TOR1B: variants seen among roughly 807,000 people sequenced by gnomAD.
The protein encoded by TOR1B is torsin-1B.
A neutral mutation model predicts 29.2 loss-of-function variants in TOR1B; 14 were observed. The ratio of observed to expected loss-of-function variants is 0.48; its 90% confidence interval spans 0.32 to 0.75. The LOEUF (loss-of-function observed/expected upper bound fraction) is 0.75. TOR1B is among the 30% of genes least tolerant of loss of function. The probability of loss-of-function intolerance (pLI) is 0.04; values close to 1 mark genes in which losing one functional copy is unlikely to be tolerated. For missense variants in TOR1B, 400 were observed against 433.9 expected (o/e 0.92, Z 0.69); for synonymous variants, 166 against 179.8 (o/e 0.92, Z 0.62).
chr9:129,808,777 C>G (rs1398267132), intron 3 of TOR1B, 128 bp from the exon 4 acceptor site: 4 of 1,173,540 alleles, frequency 3.4e-6, no homozygotes, highest in Non-Finnish European at 4.9e-6. Context: ...GCCTTGAACT[C>G]CCGACCTCAG....
rs1183450344 is a variant in TOR1B at position 129,807,290 on chromosome 9, A to G, written c.568A>G (p.Ile190Val). Reference sequence around the variant, plus strand: ...ATTGCACCCCGGGATCATTGACGCAATCAAGCCGTTTCTAGACTACTACGA... The same window carrying G: ...ATTGCACCCCGGGATCATTGACGCAGTCAAGCCGTTTCTAGACTACTACGA... ...DKLHPGIIDA[I>V]KPFLDYYEQV... is the part of the protein sequence containing the mutation. Residue 190 changes from isoleucine to valine, a missense_variant, in exon 3 of 5, where the codon ATC becomes GTC. Coordinates refer to ENST00000259339, the MANE Select transcript of TOR1B (RefSeq NM_014506.3). 3.7e-6 allele frequency: 6 copies of G among 1,614,038 alleles called. No homozygotes were observed. Among genetic ancestry groups the G allele is most frequent in the Non-Finnish European group, 5.1e-6 (6 of 1,180,040 alleles).
Position 129,809,589 on chromosome 9 carries a change from T to C in TOR1B, c.*6T>C, listed in dbSNP as rs756575894. 2 of 1,614,028 alleles carry C rather than the reference T, an allele frequency of 1.2e-6. No homozygotes were observed. The highest frequency in any genetic ancestry group is 1.7e-6 in the Non-Finnish European group (2 of 1,180,016). On this transcript the variant is annotated 3_prime_UTR_variant, in exon 5 of 5. Transcript: ENST00000259339. ...CGCGGCTGGATTTCCACTGAGCTCC[T>C]ATCCAGATGGGGTAGGAGACAGCTG...
rs377511933 is a variant in TOR1B, at chr9:129,807,341, A to C, written c.619A>C (p.Lys207Gln). 6.2e-7 allele frequency: 1 copy of C among 1,613,986 alleles called. No homozygotes were observed. The highest frequency in any genetic ancestry group is 2.2e-5 in the East Asian group (1 of 44,890). Residue 207 changes from lysine to glutamine, a missense_variant, in exon 3 of 5, where the codon AAA becomes CAA. Physicochemically the swap from Lys to Gln is moderately conservative, Grantham distance 53. Coordinates refer to ENST00000259339, the MANE Select transcript of TOR1B (RefSeq NM_014506.3). ...GCAGGTTGACGGAGTGTCTTACCGC[A>C]AAGCCATCTTCATCTTTCTCAGGTC... ...YEQVDGVSYR[K>Q]AIFIFLSNAG...
At position 129,810,489 on chromosome 9, in the gene TOR1B, T is replaced by C. The variant is rs1340423341; in HGVS notation, c.*906T>C. On this transcript the variant is annotated 3_prime_UTR_variant, in exon 5 of 5. Transcript: ENST00000259339. ...GTCTCAGCTGGTATCAGCCCCAGCC[T>C]GCCTTGTGCCATATCTCAGCTTGGA... 2 of 1,104,216 alleles carry C rather than the reference T, an allele frequency of 1.8e-6. No homozygotes were observed. Among genetic ancestry groups the C allele is most frequent in the East Asian group, 6.1e-5 (1 of 16,320 alleles). The allele number at this position is 1,104,216 out of a possible 1,614,324, so 68.4% of individuals were successfully genotyped here. A position where few individuals can be genotyped will look rare whatever the true frequency, so the allele number is the denominator to read the frequency against.
rs12634 is a variant in TOR1B, at chr9:129,811,257, G to A, written c.*1674G>A. On this transcript the variant is annotated 3_prime_UTR_variant, in exon 5 of 5. Coordinates refer to ENST00000259339, the MANE Select transcript of TOR1B (RefSeq NM_014506.3). ...ACAAGATTTTCTCTATTTACAGTGA[G>A]GCAATAAATATGTTTGCCACCTTTG... The A allele has an allele frequency of 1.3e-5, 2 of 151,888 alleles. No individual in the cohort carries two copies. The highest frequency in any genetic ancestry group is 4.8e-5 in the African/African-American group (2 of 41,334). The allele number at this position is 151,888 out of a possible 1,614,324, so 9.4% of individuals were successfully genotyped here.
In TOR1B at chr9:129,809,495, C is replaced by A. The variant is rs148531276; in HGVS notation, c.923C>A (p.Ala308Glu). 1.2e-6 allele frequency: 2 copies of A among 1,614,116 alleles called. No individual in the cohort carries two copies. Among genetic ancestry groups the A allele is most frequent in the African/African-American group, 2.7e-5 (2 of 75,004 alleles). Residue 308 changes from alanine to glutamate, a missense_variant, in exon 5 of 5, where the codon GCA (alanine) becomes GAA (glutamate). Physicochemically the swap from Ala to Glu is moderately radical, Grantham distance 107. Coordinates refer to ENST00000259339, the MANE Select transcript of TOR1B (RefSeq NM_014506.3). Reference sequence around the variant, plus strand: ...GATGAAGACATTGTCACAAGAGTGGCAGAGGAAATGACGTTTTTCCCCAGA... The same window carrying A: ...GATGAAGACATTGTCACAAGAGTGGAAGAGGAAATGACGTTTTTCCCCAGA... Reference protein sequence around the residue: ...AIDEDIVTRVAEEMTFFPRDE... With the variant: ...AIDEDIVTRVEEEMTFFPRDE...
chr9:129,808,421 C>T (rs1311709443), intron 3 of TOR1B, among the ~76,000 whole-genome samples: 2 of 151,772 alleles, frequency 1.3e-5, no homozygotes, highest in East Asian at 2.0e-4. Context: ...ATCACTTGAA[C>T]CCGGAAGGTG....
At position 129,809,400 on chromosome 9, in the gene TOR1B, C is replaced by T. The variant is rs1437622406; in HGVS notation, c.828C>T (p.Phe276=). Residue 276 remains phenylalanine, a synonymous_variant, in exon 5 of 5, where the codon TTC becomes TTT. Coordinates refer to ENST00000259339, the MANE Select transcript of TOR1B (RefSeq NM_014506.3). ...ACCTCATTGATTACTTTATCCCCTT[C>T]CTGCCTTTGGAGTACAGACATGTGA... is the stretch of plus-strand genomic sequence containing the variant. The part of the protein sequence containing the change: ...DKNLIDYFIP[F]LPLEYRHVKM... The T allele has an allele frequency of 3.7e-6, 6 of 1,614,092 alleles. No individual in the cohort carries two copies. Among genetic ancestry groups the T allele is most frequent in the Non-Finnish European group, 5.1e-6 (6 of 1,180,044 alleles).
intron 3 of TOR1B, among the ~76,000 whole-genome samples, chr9:129,808,300 C>T (rs2030619896): frequency 2.6e-5 from 4 of 151,940 alleles, no homozygotes; most frequent in Admixed American, 2.0e-4. Context: ...GATTTCAAGA[C>T]CAGGCTGGCC....
intron 3 of TOR1B, among the ~76,000 whole-genome samples, 172 bp downstream of exon 3, chr9:129,807,535 G>A (rs1285441476): frequency 6.6e-6 from 1 of 152,164 alleles, no homozygotes; most frequent in African/African-American, 2.4e-5. Context: ...GGCACACAGT[G>A]TGGGTTGTGG....
Position 129,810,335 on chromosome 9 carries a change from CTGTGTG to C in TOR1B, c.*763_*768del. ...CCGAGCACTCTTGATCTGAGCTGAC[CTGTGTG>C]TGTGTGTGTGGGGGGGTGGGGCCTT... On this transcript the variant is annotated 3_prime_UTR_variant, in exon 5 of 5. Coordinates refer to ENST00000259339, the MANE Select transcript of TOR1B (RefSeq NM_014506.3). 4.2e-6 allele frequency: 5 copies of C among 1,183,814 alleles called. No individual in the cohort carries two copies. Among genetic ancestry groups the C allele is most frequent in the Non-Finnish European group, 5.4e-6 (5 of 921,092 alleles). 73.3% of individuals were successfully genotyped at this position (1,183,814 alleles called of 1,614,324 possible). A position where few individuals can be genotyped will look rare whatever the true frequency, so the allele number is the denominator to read the frequency against.
At chr9:129,803,500 C>T in intron 1 of TOR1B, 89 bp downstream of exon 1, 2 of 1,209,124 alleles carry the variant, frequency 1.7e-6, no homozygotes, top group Non-Finnish European at 2.1e-6. Context: ...GCGCCTGGCA[C>T]GGACCGGGCC....
Position 129,811,131 on chromosome 9 carries a change from A to G in TOR1B, c.*1548A>G, listed in dbSNP as rs2130998063. ...TACGTGGTATCACACTTAGTCTTGA[A>G]AAAAACACCAAGGTGACGTTTAAAA... On this transcript the variant is annotated 3_prime_UTR_variant, in exon 5 of 5. Transcript: ENST00000259339. 1 of 152,356 alleles carries G rather than the reference A, an allele frequency of 6.6e-6. No individual in the cohort carries two copies. Among genetic ancestry groups the G allele is most frequent in the East Asian group, 1.9e-4 (1 of 5,190 alleles). The allele number at this position is 152,356 out of a possible 1,614,324, so 9.4% of individuals were successfully genotyped here.
rs1490908907 is a variant in TOR1B, at chr9:129,804,283, A to G, written c.410A>G (p.His137Arg). 1 of 1,614,142 alleles carries G rather than the reference A, an allele frequency of 6.2e-7. No homozygotes were observed. Among genetic ancestry groups the G allele is most frequent in the Non-Finnish European group, 8.5e-7 (1 of 1,180,024 alleles). The change falls in exon 2 of 5, where the codon CAC becomes CGC. Residue 137 changes from histidine (H) to arginine (R), a missense_variant. Physicochemically the swap from His to Arg is conservative, Grantham distance 29. Coordinates refer to ENST00000259339, the MANE Select transcript of TOR1B (RefSeq NM_014506.3). ...HPKGLKSNFV[H>R]LFVSTLHFPH... ...AAAGGTCTGAAGAGTAACTTTGTCC[A>G]CCTGTTTGTATCGACTCTGCACTTC...
Position 129,810,136 on chromosome 9 carries a change from G to T in TOR1B, c.*553G>T. Reference sequence around the variant, plus strand: ...GTCCAGGGACTTGCTGCAGGCTGGGGGGCACTGGGTGGTTCTCACCAGCAG... The same window carrying T: ...GTCCAGGGACTTGCTGCAGGCTGGGTGGCACTGGGTGGTTCTCACCAGCAG... On this transcript the variant is annotated 3_prime_UTR_variant, in exon 5 of 5. Transcript: ENST00000259339. 7.7e-7 allele frequency: 1 copy of T among 1,300,808 alleles called. No homozygotes were observed. The highest frequency in any genetic ancestry group is 1.0e-6 in the Non-Finnish European group (1 of 986,274). 80.6% of individuals were successfully genotyped at this position (1,300,808 alleles called of 1,614,324 possible). A position where few individuals can be genotyped will look rare whatever the true frequency, so the allele number is the denominator to read the frequency against.
Position 129,804,245 on chromosome 9 carries a change from A to C in TOR1B, c.372A>C (p.Glu124Asp). 6.2e-7 allele frequency: 1 copy of C among 1,614,260 alleles called. No individual in the cohort carries two copies. The highest frequency in any genetic ancestry group is 8.5e-7 in the Non-Finnish European group (1 of 1,180,032). Reference sequence around the variant, plus strand: ...ATTTTGTCAGTCAAATTGTGGCTGAAAATCTTCACCCAAAAGGTCTGAAGA... The same window carrying C: ...ATTTTGTCAGTCAAATTGTGGCTGACAATCTTCACCCAAAAGGTCTGAAGA... ...GKNFVSQIVA[E>D]NLHPKGLKSN... Residue 124 changes from glutamate to aspartate, a missense_variant, in exon 2 of 5, where the codon GAA becomes GAC. Glu to Asp is a conservative substitution (Grantham distance 45). Transcript: ENST00000259339.
rs2030814351 is a variant in TOR1B at position 129,810,656 on chromosome 9, G to A, written c.*1073G>A. ...GGTCAATCTCTCACTTTATTTTGTA[G>A]AACCATTTGAAATCCTAGGATGTGC... On this transcript the variant is annotated 3_prime_UTR_variant, in exon 5 of 5. Transcript: ENST00000259339. 3 of 179,616 alleles carry A rather than the reference G, an allele frequency of 1.7e-5. No homozygotes were observed. The South Asian group carries it at 4.1e-4, about 24-fold the overall frequency. 11.1% of individuals were successfully genotyped at this position (179,616 alleles called of 1,614,324 possible).
At chr9:129,809,166 C>T in intron 4 of TOR1B, 134 bp downstream of exon 4, 1 of 1,511,936 alleles carries the variant, frequency 6.6e-7, no homozygotes. Context: ...TTTCTTAGGG[C>T]ATACTGTGCT....
In TOR1B at chr9:129,809,651, G is replaced by T. The variant is rs2130994799; in HGVS notation, c.*68G>T. ...ACGCCAGAGGCCTTGCCTTTCAGAA[G>T]AACCCTGAAGACCGCTTTGGGGTTT... On this transcript the variant is annotated 3_prime_UTR_variant, in exon 5 of 5. Transcript: ENST00000259339. 2.5e-6 allele frequency: 4 copies of T among 1,592,904 alleles called. No individual in the cohort carries two copies. In the East Asian group the frequency reaches 6.7e-5, roughly 27 times the overall value.
Sources: allele counts gnomAD v4.1 joint callset (sites outside exome capture counted in the v4.1 genomes callset), GRCh38; gene constraint gnomAD v4.1.1; transcripts MANE v1.5; gene names NCBI Gene and HGNC (gene_info 2026-07-23, HGNC 2026-07-21).